SMARCAL1: variants seen among roughly 807,000 people sequenced by gnomAD.
SMARCAL1 encodes ATP-driven annealing helicase.
SMARCAL1 carries 58 observed loss-of-function variants against 94.5 expected under a neutral mutation model. The ratio of observed to expected loss-of-function variants is 0.61; its 90% confidence interval spans 0.50 to 0.76. The LOEUF is 0.76. Ranked by LOEUF, SMARCAL1 falls within the 30% of genes least tolerant of loss-of-function variation. SMARCAL1 has a pLI of 0.00. For synonymous variants in SMARCAL1, 422 were observed against 455.1 expected, an observed-to-expected ratio of 0.93 and a Z score of 0.93; for missense variants, 1,051 against 1,177.9, an observed-to-expected ratio of 0.89 and a Z score of 1.58.
rs138842809 is a variant in SMARCAL1 at position 216,474,963 on chromosome 2, C to A, written c.2245-306C>A. 2.4e-3 allele frequency among the ~76,000 whole-genome samples: 364 copies of A among 152,148 alleles called. 5 individuals are homozygous for A. The South Asian group carries it at 0.041, about 17-fold the overall frequency. ...ACACACATACAGTAAAACAAGAAAT[C>A]TGAAGATCAGTGGATTGTATAGAAG... is the stretch of plus-strand genomic sequence containing the variant. On this transcript the variant is annotated intron_variant, in intron 14 of 17. Transcript: ENST00000357276.
chr2:216,440,287 AATAG>A (rs1448569361), intron 10 of SMARCAL1, among the ~76,000 whole-genome samples: 1 of 152,236 alleles, frequency 6.6e-6, no homozygotes, highest in African/African-American at 2.4e-5. Context: ...GAAAATGCAC[AATAG>A]ATAGATTCTA....
chr2:216,448,791 C>T (rs1269787728), intron 11 of SMARCAL1, among the ~76,000 whole-genome samples: 1 of 151,358 alleles, frequency 6.6e-6, no homozygotes, highest in African/African-American at 2.4e-5. Flanking sequence ...AAGGTCATGC[C>T]ACTGCACTCC....
chr2:216,482,342 A>T lies in SMARCAL1; in HGVS notation c.2626-396A>T, dbSNP rs1184081447. 6.6e-6 allele frequency among the ~76,000 whole-genome samples: 1 copy of T among 152,204 alleles called. No individual in the cohort carries two copies. Among genetic ancestry groups the T allele is most frequent in the Non-Finnish European group, 1.5e-5 (1 of 68,036 alleles). ...TTAAAAATAGAGATTTAGAAGTTGAATTATACCTTAACTGACCCTTAGTAG... is the reference window on the plus strand; with the variant it reads ...TTAAAAATAGAGATTTAGAAGTTGATTTATACCTTAACTGACCCTTAGTAG... On this transcript the variant is annotated intron_variant, in intron 17 of 17. Transcript: ENST00000357276. This position sits in a 1 kb window ranked among gnomAD's most constrained non-coding sequence, Gnocchi z 4.3.
chr2:216,474,356 T>C lies in SMARCAL1; in HGVS notation c.2245-913T>C, dbSNP rs555985400. 1.6e-4 allele frequency among the ~76,000 whole-genome samples: 22 copies of C among 140,162 alleles called. No individual in the cohort carries two copies. The South Asian group carries it at 4.9e-3, about 31-fold the overall frequency. 92.0% of individuals were successfully genotyped at this position (140,162 alleles called of 152,430 possible). A position where few individuals can be genotyped will look rare whatever the true frequency, so the allele number is the denominator to read the frequency against. ...GGTTCCGCCATGTTGGCCAGGCTGG[T>C]CTCAAACTCCTGACCTCAGGTGATC... On this transcript the variant is annotated intron_variant, in intron 14 of 17. Coordinates refer to ENST00000357276, the MANE Select transcript of SMARCAL1 (RefSeq NM_014140.4).
intron 11 of SMARCAL1, among the ~76,000 whole-genome samples, chr2:216,447,669 CAA>C (rs11285787): frequency 8.8e-5 from 13 of 148,078 alleles, no homozygotes; most frequent in African/African-American, 3.0e-4. Flanking sequence ...CCTCCCTGTG[CAA>C]AAAAAAAAGA....
Position 216,468,041 on chromosome 2 carries a change from A to G in SMARCAL1, c.2239A>G (p.Arg747Gly), listed in dbSNP as rs1694868642. Reference protein sequence around the residue: ...VLDAITQELERKHVQHIRIDG... With the variant: ...VLDAITQELEGKHVQHIRIDG... The stretch of plus-strand genomic sequence containing the variant: ...GGACGCAATTACGCAAGAGCTTGAG[A>G]GAAAGGTGAGCTCCCTTTGAAATTC... The change falls in exon 14 of 18, where the codon AGA becomes GGA. Residue 747 changes from arginine to glycine, a missense_variant. Physicochemically the swap from Arg to Gly is moderately radical, Grantham distance 125. Coordinates refer to ENST00000357276, the MANE Select transcript of SMARCAL1 (RefSeq NM_014140.4). 1 of 1,609,098 alleles carries G rather than the reference A, an allele frequency of 6.2e-7. No individual in the cohort carries two copies.
At chr2:216,434,151 T>C (rs911720129) in intron 8 of SMARCAL1, among the ~76,000 whole-genome samples, 4 of 152,028 alleles carry the variant, frequency 2.6e-5, no homozygotes, top group Non-Finnish European at 5.9e-5. Flanking sequence ...TCAGAACATA[T>C]TTTGTGTGCG....
intron 14 of SMARCAL1, among the ~76,000 whole-genome samples, chr2:216,469,220 G>C (rs903135816): frequency 1.3e-5 from 2 of 150,498 alleles, no homozygotes; most frequent in Admixed American, 6.6e-5. Context: ...TAAAATAAAT[G>C]ACAGCACGGT....
chr2:216,470,988 C>G (rs1176055208), intron 14 of SMARCAL1, among the ~76,000 whole-genome samples: 1 of 152,008 alleles, frequency 6.6e-6, no homozygotes, highest in Non-Finnish European at 1.5e-5. Flanking sequence ...CCATGCTGGC[C>G]CCAGAGAGAT....
rs118073142 is a variant in SMARCAL1, at chr2:216,425,433, G to T, written c.1147+1750G>T. Among the ~76,000 whole-genome samples, 121 of 152,318 alleles carry T rather than the reference G, an allele frequency of 7.9e-4. 2 individuals are homozygous for T. The East Asian group carries it at 0.022, about 28-fold the overall frequency. On this transcript the variant is annotated intron_variant, in intron 6 of 17. Coordinates refer to ENST00000357276, the MANE Select transcript of SMARCAL1 (RefSeq NM_014140.4). ...CCAGCAACCATGGAGCCCTAAGGGGGTGTTACAGCATGTTACAGCTCTGGC... is the reference window on the plus strand; with the variant it reads ...CCAGCAACCATGGAGCCCTAAGGGGTTGTTACAGCATGTTACAGCTCTGGC...
At chr2:216,454,440 T>A (rs1279579513) in intron 12 of SMARCAL1, among the ~76,000 whole-genome samples, 1 of 152,206 alleles carries the variant, frequency 6.6e-6, no homozygotes, top group Non-Finnish European at 1.5e-5. Context: ...ATTCTCACCA[T>A]CAGCCCAGAT....
chr2:216,445,298 C>T (rs1357196507), intron 10 of SMARCAL1, among the ~76,000 whole-genome samples: 4 of 140,382 alleles, frequency 2.8e-5, no homozygotes, highest in East Asian at 4.3e-4. Flanking sequence ...CCATTACAGA[C>T]GAGATGCCAT....
chr2:216,469,284 T>C (rs1030364437), intron 14 of SMARCAL1, among the ~76,000 whole-genome samples: 24 of 142,476 alleles, frequency 1.7e-4, no homozygotes, highest in African/African-American at 6.0e-4. Context: ...GATTTCTTTT[T>C]TTTTTTTTTT....
At chr2:216,454,243 A>G (rs1464291914) in intron 12 of SMARCAL1, among the ~76,000 whole-genome samples, 1 of 152,242 alleles carries the variant, frequency 6.6e-6, no homozygotes, top group East Asian at 1.9e-4. Context: ...GATCATTAAT[A>G]GAGAGTATTA....
At chr2:216,467,804 A>G (rs1694861926) in intron 13 of SMARCAL1, 140 bp from the exon 14 acceptor site, 3 of 676,540 alleles carry the variant, frequency 4.4e-6, no homozygotes, top group Non-Finnish European at 8.1e-6. Context: ...ACACATTATA[A>G]TGATAGTCGG....
chr2:216,430,049 G>A (rs1019965533), intron 7 of SMARCAL1, among the ~76,000 whole-genome samples: 1 of 152,096 alleles, frequency 6.6e-6, no homozygotes. Flanking sequence ...CAAGTTCTTC[G>A]TGGCACTGTT....
intron 12 of SMARCAL1, among the ~76,000 whole-genome samples, chr2:216,461,329 T>G (rs1468787996): frequency 6.6e-6 from 1 of 151,986 alleles, no homozygotes; most frequent in Non-Finnish European, 1.5e-5. Context: ...ATAATTTGAG[T>G]ATTTTTCTAT....
intron 10 of SMARCAL1, 82 bp from the exon 11 acceptor site, chr2:216,446,936 C>T: frequency 6.4e-7 from 1 of 1,563,828 alleles, no homozygotes; most frequent in South Asian, 1.1e-5. Context: ...GGGCATCCAG[C>T]TCCTCCCTCA....
At chr2:216,420,789 G>A (rs190894692) in intron 5 of SMARCAL1, among the ~76,000 whole-genome samples, 7 of 152,172 alleles carry the variant, frequency 4.6e-5, no homozygotes, top group African/African-American at 1.4e-4. Flanking sequence ...GGTAGAAGCA[G>A]GTAAATTCCT....
Sources: gnomAD v4.1 joint callset for allele counts (sites outside exome capture counted in the v4.1 genomes callset) on GRCh38, gnomAD v4.1.1 for gene constraint, Gnocchi (gnomAD v3.1) non-coding constraint, MANE v1.5 for transcripts, NCBI Gene and HGNC (gene_info 2026-07-23, HGNC 2026-07-21) for gene names.